The following GLI2 variants were observed in gnomAD, a reference collection of about 807,000 sequenced individuals.
The protein encoded by GLI2 is transcription activator GLI2.
A neutral mutation model predicts 78.9 loss-of-function variants in GLI2; 22 were observed. The ratio of observed to expected loss-of-function variants is 0.28; its 90% CI spans 0.20 to 0.40. The LOEUF is 0.40. Ranked by LOEUF, GLI2 falls within the 10% of genes least tolerant of loss-of-function variation. The pLI is 1.00. For missense variants in GLI2, 2,097 were observed against 2,213.2 expected (o/e 0.95, Z 1.05); for synonymous variants, 974 against 963.7 (o/e 1.01, Z -0.20).
chr2:120,942,936 A>G (rs910662007), intron 3 of GLI2, among the ~76,000 whole-genome samples: 3 of 143,272 alleles, frequency 2.1e-5, no homozygotes, highest in Admixed American at 6.7e-5. Flanking sequence ...ATTCGTTCAC[A>G]CCCTCACTCA....
At chr2:120,964,569 T>C (rs1681741281) in intron 5 of GLI2, among the ~76,000 whole-genome samples, 1 of 152,072 alleles carries the variant, frequency 6.6e-6, no homozygotes, top group Non-Finnish European at 1.5e-5. Context: ...GGCTCCATTG[T>C]GGTGGAGGGG....
At chr2:120,748,853 CTCCATCCATCCATCCATCCA>C (rs71671803) in intron 1 of GLI2, among the ~76,000 whole-genome samples, 1 of 150,488 alleles carries the variant, frequency 6.6e-6, no homozygotes, top group African/African-American at 2.5e-5. Context: ...ATCTTGCATT[CTCCATCCATCCATCCATCCA>C]TCCATCCATC....
At chr2:120,846,259 C>G (rs973935860) in intron 2 of GLI2, among the ~76,000 whole-genome samples, 4 of 152,204 alleles carry the variant, frequency 2.6e-5, no homozygotes, top group Admixed American at 2.6e-4. Context: ...TGGTCCCTGG[C>G]CCTTCCATGT....
chr2:120,883,025 T>A (rs1188467818), intron 2 of GLI2, among the ~76,000 whole-genome samples: 1 of 152,116 alleles, frequency 6.6e-6, no homozygotes, highest in Non-Finnish European at 1.5e-5. Context: ...CACACTCTAT[T>A]ATGTTTCCCA....
rs567643693 is a variant in GLI2, at chr2:120,988,972, G to C, written c.3007G>C (p.Ala1003Pro). ...CCACCCGAGCACCGACGGCGGCCTG[G>C]CCCGCGGCGCCTACTCGCCCCGGCC... ...QSHPSTDGGLARGAYSPRPPS... is the reference protein window; with the variant it reads ...QSHPSTDGGLPRGAYSPRPPS... Residue 1003 changes from alanine to proline, a missense_variant, in exon 14 of 14, where the codon GCC (alanine) becomes CCC (proline). Physicochemically the swap from Ala to Pro is conservative, Grantham distance 27. Coordinates refer to ENST00000361492, the MANE Select transcript of GLI2 (RefSeq NM_001374353.1). 76 of 1,557,020 alleles carry C rather than the reference G, an allele frequency of 4.9e-5. 1 individual carries two copies. In the South Asian group the frequency reaches 7.7e-4, roughly 16 times the overall value.
chr2:120,858,451 G>A (rs1197489400), intron 2 of GLI2, among the ~76,000 whole-genome samples: 1 of 152,146 alleles, frequency 6.6e-6, no homozygotes, highest in African/African-American at 2.4e-5. Flanking sequence ...CTGGGTCAGG[G>A]CCAAGCTAGT....
chr2:120,940,828 T>C (rs1680414594), intron 3 of GLI2, among the ~76,000 whole-genome samples: 1 of 152,226 alleles, frequency 6.6e-6, no homozygotes. Flanking sequence ...ACCTTGGGAA[T>C]GTGGGGCATA....
At chr2:120,913,130 T>C (rs973643215) in intron 2 of GLI2, among the ~76,000 whole-genome samples, 1 of 152,210 alleles carries the variant, frequency 6.6e-6, no homozygotes, top group African/African-American at 2.4e-5. Flanking sequence ...AGAATTCTCA[T>C]CACCATATTT....
chr2:120,872,408 C>A (rs1039072676), intron 2 of GLI2, among the ~76,000 whole-genome samples: 1 of 152,180 alleles, frequency 6.6e-6, no homozygotes, highest in African/African-American at 2.4e-5. Flanking sequence ...CCTGTCCTTT[C>A]GCCACCTGCC....
At position 120,982,912 on chromosome 2, in the gene GLI2, C is replaced by T. The variant is rs551585465; in HGVS notation, c.1632+32C>T. The T allele has an allele frequency of 2.5e-6, 4 of 1,606,070 alleles. No homozygotes were observed. The South Asian group carries it at 4.4e-5, about 18-fold the overall frequency. ...CTGCGGGGCATGCACTGGGCATGCACACTGGGGCCCCACTGACGCCCCATG... is the reference window on the plus strand; with the variant it reads ...CTGCGGGGCATGCACTGGGCATGCATACTGGGGCCCCACTGACGCCCCATG... On this transcript the variant is annotated intron_variant, in intron 11 of 13. Coordinates refer to ENST00000361492, the MANE Select transcript of GLI2 (RefSeq NM_001374353.1).
At chr2:120,789,975 A>G (rs1334384465) in intron 1 of GLI2, among the ~76,000 whole-genome samples, 1 of 152,180 alleles carries the variant, frequency 6.6e-6, no homozygotes, top group African/African-American at 2.4e-5. Flanking sequence ...TGTGTGCTTG[A>G]AGGTTTTGTT....
At chr2:120,946,318 G>A (rs566558943) in intron 3 of GLI2, among the ~76,000 whole-genome samples, 1 of 152,320 alleles carries the variant, frequency 6.6e-6, no homozygotes, top group East Asian at 1.9e-4. Context: ...CTCTGAGCTG[G>A]ACTGAGGGGA....
Position 120,984,524 on chromosome 2 carries a change from C to T in GLI2, c.1686C>T (p.Ser562=). Residue 562 remains serine, a synonymous_variant, in exon 12 of 14, where the codon AGC becomes AGT. Transcript: ENST00000361492. ...PGCTKRYTDP[S]SLRKHVKTVH... ...GCACCAAGAGATACACAGACCCCAG[C>T]TCTCTCCGGAAGCATGTGAAAACGG... The T allele has an allele frequency of 6.2e-7, 1 of 1,614,216 alleles. No homozygotes were observed. Among genetic ancestry groups the T allele is most frequent in the East Asian group, 2.2e-5 (1 of 44,872 alleles).
chr2:120,974,975 G>A lies in GLI2; in HGVS notation c.1183G>A (p.Glu395Lys), dbSNP rs1385470181. 1.2e-6 allele frequency: 2 copies of A among 1,614,120 alleles called. No homozygotes were observed. Among genetic ancestry groups the A allele is most frequent in the Admixed American group, 1.7e-5 (1 of 60,016 alleles). The change falls in exon 9 of 14, where the codon GAG becomes AAG. Residue 395 changes from glutamate to lysine, a missense_variant and splice_region_variant. Transcript: ENST00000361492. ...TGGGTGTGCCCTTCCCCTCTCCCAG[G>A]AGCAGCTGGCTGACCTCAAGGAAGA... is the stretch of plus-strand genomic sequence containing the variant. ...RPASPLALTQ[E>K]QLADLKEDLD...
At chr2:120,983,580 T>C (rs985196069) in intron 11 of GLI2, among the ~76,000 whole-genome samples, 1 of 152,202 alleles carries the variant, frequency 6.6e-6, no homozygotes, top group African/African-American at 2.4e-5. Flanking sequence ...TGCCTGGGCC[T>C]GCCGTGGCTG....
At chr2:120,872,875 G>C (rs1181843517) in intron 2 of GLI2, among the ~76,000 whole-genome samples, 1 of 152,242 alleles carries the variant, frequency 6.6e-6, no homozygotes, top group Non-Finnish European at 1.5e-5. Context: ...TTCTCTGAAC[G>C]TGACAGGCTA....
intron 2 of GLI2, among the ~76,000 whole-genome samples, chr2:120,913,285 T>C (rs1017648534): frequency 2.0e-5 from 3 of 152,214 alleles, no homozygotes; most frequent in Non-Finnish European, 4.4e-5. Context: ...GCTATCCTAA[T>C]TGAGATGTGC....
rs557512162 is a variant in GLI2 at position 120,894,756 on chromosome 2, T to C, written c.149-32605T>C. ...CCTTGTTGCCCAGGCTGGAGCGCAGTGGCGCGATCTTGGCTCACTGCAACC... is the reference window on the plus strand; with the variant it reads ...CCTTGTTGCCCAGGCTGGAGCGCAGCGGCGCGATCTTGGCTCACTGCAACC... On this transcript the variant is annotated intron_variant, in intron 2 of 13. Coordinates refer to ENST00000361492, the MANE Select transcript of GLI2 (RefSeq NM_001374353.1). Among the ~76,000 whole-genome samples the C allele has an allele frequency of 2.5e-3, 382 of 151,740 alleles. 2 individuals carry two copies. The highest frequency in any genetic ancestry group is 8.9e-3 in the African/African-American group (370 of 41,374).
intron 2 of GLI2, among the ~76,000 whole-genome samples, chr2:120,911,613 T>G (rs1012071061): frequency 6.6e-6 from 1 of 152,212 alleles, no homozygotes; most frequent in African/African-American, 2.4e-5. Context: ...CATTCATGTA[T>G]TCATTCATTC....
Sources: allele counts gnomAD v4.1 joint callset (sites outside exome capture counted in the v4.1 genomes callset), GRCh38; gene constraint gnomAD v4.1.1; transcripts MANE v1.5; gene names NCBI Gene and HGNC (gene_info 2026-07-23, HGNC 2026-07-21).